The following FBH1 variants were observed in gnomAD, a reference collection of about 807,000 sequenced individuals.
The protein encoded by FBH1 is F-box DNA helicase 1, also known as DNA 3'-5' helicase 1.
FBH1 carries 43 observed loss-of-function variants against 115.5 expected under a neutral mutation model. The ratio of observed to expected loss-of-function variants is 0.37; its 90% CI spans 0.29 to 0.48. FBH1 has a LOEUF of 0.48. Ranked by LOEUF, FBH1 falls within the 20% of genes least tolerant of loss-of-function variation. The pLI is 0.99. For synonymous variants in FBH1, 524 were observed against 507.8 expected, an observed-to-expected ratio of 1.03 and a Z score of -0.43; for missense variants, 1,001 against 1,337.3, an observed-to-expected ratio of 0.75 and a Z score of 3.92.
rs1831427154 is a variant in FBH1 at position 5,909,530 on chromosome 10, T to C, written c.1020+236T>C. 1 of 466,572 alleles carries C rather than the reference T, an allele frequency of 2.1e-6. No individual in the cohort carries two copies. The highest frequency in any genetic ancestry group is 3.9e-5 in the Admixed American group (1 of 25,948). The allele number at this position is 466,572 out of a possible 1,614,324, so 28.9% of individuals were successfully genotyped here. A position where few individuals can be genotyped will look rare whatever the true frequency, so the allele number is the denominator to read the frequency against. On this transcript the variant is annotated intron_variant, in intron 5 of 20. Coordinates refer to ENST00000362091, the MANE Select transcript of FBH1 (RefSeq NM_178150.3). The surrounding 1 kb of genome is among the most constrained non-coding windows in gnomAD (Gnocchi z 4.4). ...ACAAATCATTTAGTCTGATTTCCCA[T>C]TTGGTTGAGGAATCTTCTCTGAAAT...
intron 1 of FBH1, among the ~76,000 whole-genome samples, chr10:5,893,334 A>G (rs1842842014): frequency 6.6e-6 from 1 of 152,152 alleles, no homozygotes; most frequent in Non-Finnish European, 1.5e-5. Flanking sequence ...ACAAACAAAC[A>G]AAATTGGATG....
chr10:5,903,581 G>C (rs1050710154), intron 2 of FBH1, among the ~76,000 whole-genome samples: 1 of 151,770 alleles, frequency 6.6e-6, no homozygotes, highest in Non-Finnish European at 1.5e-5. Flanking sequence ...CACCCGCCTC[G>C]GCCTCCCAAA....
Position 5,910,992 on chromosome 10 carries a change from A to T in FBH1, c.1075A>T (p.Asn359Tyr), listed in dbSNP as rs923312293. Residue 359 changes from asparagine (N) to tyrosine (Y), a missense_variant, in exon 6 of 21, where the codon AAT (asparagine) becomes TAT (tyrosine). Asn to Tyr is a moderately radical substitution (Grantham distance 143, BLOSUM62 -2). This residue lies in a region of FBH1 where 59 missense variants were observed against 79.7 expected (regional missense o/e 0.74). Transcript: ENST00000362091. The surrounding 1 kb of genome is among the most constrained non-coding windows in gnomAD (Gnocchi z 4.8). ...AAVVLLSSSV[N>Y]DIQRLLFCLR... ...TGTGGTGCTCCTCTCCAGCAGTGTG[A>T]ATGACATCCAGCGACTGCTCTTCTG... 6.2e-7 allele frequency: 1 copy of T among 1,612,400 alleles called. No individual in the cohort carries two copies.
chr10:5,921,162 T>G lies in FBH1; in HGVS notation c.2101-96T>G. The G allele has an allele frequency of 1.7e-6, 2 of 1,172,148 alleles. No individual in the cohort carries two copies. Among genetic ancestry groups the G allele is most frequent in the East Asian group, 4.8e-5 (2 of 41,766 alleles). The allele number at this position is 1,172,148 out of a possible 1,614,324, so 72.6% of individuals were successfully genotyped here. On this transcript the variant is annotated intron_variant, in intron 13 of 20. Transcript: ENST00000362091. This position sits in a 1 kb window ranked among gnomAD's most constrained non-coding sequence, Gnocchi z 6.4. ...CATGCGGGGGGTCAGGAACAACTTG[T>G]AGGGTCTGGCCCGGCCAGGCTGTGG...
intron 10 of FBH1, among the ~76,000 whole-genome samples, chr10:5,916,737 A>C (rs1022677727): frequency 2.6e-5 from 4 of 151,986 alleles, no homozygotes; most frequent in African/African-American, 9.7e-5. Flanking sequence ...ATGGGCAAAC[A>C]GGGAGTGTGG....
Position 5,933,475 on chromosome 10 carries a change from A to G in FBH1, c.2830-2981A>G, listed in dbSNP as rs142826831. The stretch of plus-strand genomic sequence containing the variant: ...TTGCTGCATGCATTTTGTTTTCCCC[A>G]TAGAAGAAAAGAATACAGAATCTAG... On this transcript the variant is annotated intron_variant, in intron 19 of 20. Transcript: ENST00000362091. This position sits in a 1 kb window ranked among gnomAD's most constrained non-coding sequence, Gnocchi z 4.9. Among the ~76,000 whole-genome samples, 779 of 152,332 alleles carry G rather than the reference A, an allele frequency of 5.1e-3. 7 individuals carry two copies. Among genetic ancestry groups the G allele is most frequent in the African/African-American group, 0.018 (734 of 41,574 alleles).
chr10:5,895,424 A>G lies in FBH1; in HGVS notation c.1+5078A>G, dbSNP rs577317494. On this transcript the variant is annotated intron_variant, in intron 1 of 20. Coordinates refer to ENST00000362091, the MANE Select transcript of FBH1 (RefSeq NM_178150.3). The surrounding 1 kb of genome is among the most constrained non-coding windows in gnomAD (Gnocchi z 5.0). ...CTTATTGTCTTCATCTTGTCCATTTAGGTCTGTAACCTAAAAGTTTTAAAG... is the reference window on the plus strand; with the variant it reads ...CTTATTGTCTTCATCTTGTCCATTTGGGTCTGTAACCTAAAAGTTTTAAAG... Among the ~76,000 whole-genome samples, 1 of 152,002 alleles carries G rather than the reference A, an allele frequency of 6.6e-6. No homozygotes were observed. Among genetic ancestry groups the G allele is most frequent in the African/African-American group, 2.4e-5 (1 of 41,352 alleles).
intron 1 of FBH1, among the ~76,000 whole-genome samples, chr10:5,893,451 TC>T (rs1842845777): frequency 6.6e-6 from 1 of 152,236 alleles, no homozygotes; most frequent in African/African-American, 2.4e-5. Context: ...AAATTCCTTT[TC>T]CAGCCTTATC....
rs1240395351 is a variant in FBH1 at position 5,910,729 on chromosome 10, T to G, written c.1021-209T>G. On this transcript the variant is annotated intron_variant, in intron 5 of 20. Transcript: ENST00000362091. This position sits in a 1 kb window ranked among gnomAD's most constrained non-coding sequence, Gnocchi z 4.8. Reference sequence around the variant, plus strand: ...TATTTAATTAAAGAAAACTAAGATCTCAAATCCAAAAGTGATGAGAAGGAG... The same window carrying G: ...TATTTAATTAAAGAAAACTAAGATCGCAAATCCAAAAGTGATGAGAAGGAG... Among the ~76,000 whole-genome samples, 1 of 152,218 alleles carries G rather than the reference T, an allele frequency of 6.6e-6. No individual in the cohort carries two copies. The highest frequency in any genetic ancestry group is 1.5e-5 in the Non-Finnish European group (1 of 68,038).
In FBH1 at chr10:5,918,500, G is replaced by C; in HGVS notation, c.2100+22G>C. The stretch of plus-strand genomic sequence containing the variant: ...GCAGGTAAGTGCGCACTCTGCATGG[G>C]AGGCATTGCATCTCTCTCCCAATGT... On this transcript the variant is annotated intron_variant, in intron 13 of 20. Transcript: ENST00000362091. The surrounding 1 kb of genome is among the most constrained non-coding windows in gnomAD (Gnocchi z 4.0). The C allele has an allele frequency of 6.5e-7, 1 of 1,544,332 alleles. No individual in the cohort carries two copies. Among genetic ancestry groups the C allele is most frequent in the South Asian group, 1.2e-5 (1 of 80,654 alleles).
chr10:5,907,247 G>A (rs1843751290), intron 3 of FBH1, among the ~76,000 whole-genome samples: 2 of 152,300 alleles, frequency 1.3e-5, no homozygotes, highest in African/African-American at 4.8e-5. Flanking sequence ...TTACAGGCGT[G>A]AGCCACCATG....
intron 2 of FBH1, among the ~76,000 whole-genome samples, chr10:5,904,351 G>A (rs1242930080): frequency 6.6e-6 from 1 of 152,092 alleles, no homozygotes; most frequent in Non-Finnish European, 1.5e-5. Context: ...TTTAACTATT[G>A]TATGTTTCCT....
chr10:5,899,921 A>T (rs1474499696), intron 1 of FBH1, among the ~76,000 whole-genome samples: 1 of 152,242 alleles, frequency 6.6e-6, no homozygotes, highest in East Asian at 1.9e-4. Context: ...CTTCACATTC[A>T]TATTTTGTTT....
At position 5,923,770 on chromosome 10, in the gene FBH1, G is replaced by T. The variant is rs936722236; in HGVS notation, c.2398+74G>T. 3.6e-6 allele frequency: 5 copies of T among 1,383,416 alleles called. No homozygotes were observed. In the Admixed American group the frequency reaches 7.3e-5, roughly 20 times the overall value. 85.7% of individuals were successfully genotyped at this position (1,383,416 alleles called of 1,614,324 possible). A position where few individuals can be genotyped will look rare whatever the true frequency, so the allele number is the denominator to read the frequency against. On this transcript the variant is annotated intron_variant, in intron 16 of 20. Coordinates refer to ENST00000362091, the MANE Select transcript of FBH1 (RefSeq NM_178150.3). The surrounding 1 kb of genome is among the most constrained non-coding windows in gnomAD (Gnocchi z 5.7). ...CAGGGACGAGAAAGAAGCAGGCCCA[G>T]TCTGAGTCAGGGACCCGTTTCCCTC...
chr10:5,917,578 T>C lies in FBH1; in HGVS notation c.1877-12T>C. On this transcript the variant is annotated splice_polypyrimidine_tract_variant and intron_variant, in intron 11 of 20. Coordinates refer to ENST00000362091, the MANE Select transcript of FBH1 (RefSeq NM_178150.3). The surrounding 1 kb of genome is among the most constrained non-coding windows in gnomAD (Gnocchi z 5.6). ...CCTGGCGTTACAACTCCTGCGTCTC[T>C]CCTTATTTTAGGCTACTTGAAACTC... The C allele has an allele frequency of 6.2e-7, 1 of 1,614,082 alleles. No individual in the cohort carries two copies. The highest frequency in any genetic ancestry group is 8.5e-7 in the Non-Finnish European group (1 of 1,179,964).
At position 5,900,325 on chromosome 10, in the gene FBH1, A is replaced by G. The variant is rs1449895942; in HGVS notation, c.2-2695A>G. Among the ~76,000 whole-genome samples, 1 of 152,212 alleles carries G rather than the reference A, an allele frequency of 6.6e-6. No individual in the cohort carries two copies. Among genetic ancestry groups the G allele is most frequent in the Non-Finnish European group, 1.5e-5 (1 of 68,044 alleles). ...TGATGACACTTATCAGACTTAGATGAGATTGGGCGCGTTCAGGGTGGTATG... is the reference window on the plus strand; with the variant it reads ...TGATGACACTTATCAGACTTAGATGGGATTGGGCGCGTTCAGGGTGGTATG... On this transcript the variant is annotated intron_variant, in intron 1 of 20. Coordinates refer to ENST00000362091, the MANE Select transcript of FBH1 (RefSeq NM_178150.3). This position sits in a 1 kb window ranked among gnomAD's most constrained non-coding sequence, Gnocchi z 4.2.
Position 5,924,556 on chromosome 10 carries a change from A to G in FBH1, c.2596+48A>G. On this transcript the variant is annotated intron_variant, in intron 17 of 20. Transcript: ENST00000362091. The surrounding 1 kb of genome is among the most constrained non-coding windows in gnomAD (Gnocchi z 6.2). ...ACCTTCCCCCTAAGAGGAGGAACAG[A>G]TGGTCTTCTGCTGTTCTTTTTTTTT... 1.3e-6 allele frequency: 2 copies of G among 1,534,540 alleles called. No individual in the cohort carries two copies. Among genetic ancestry groups the G allele is most frequent in the Non-Finnish European group, 1.8e-6 (2 of 1,112,978 alleles).
At position 5,925,373 on chromosome 10, in the gene FBH1, T is replaced by C; in HGVS notation, c.2603T>C (p.Ile868Thr). The C allele has an allele frequency of 6.2e-7, 1 of 1,614,092 alleles. No individual in the cohort carries two copies. Among genetic ancestry groups the C allele is most frequent in the Non-Finnish European group, 8.5e-7 (1 of 1,179,998 alleles). ...HIEDLDFAEY[I>T]LGTVHKAKGL... ...TGCTGTGTTTTTATCCTAGAGTACATTCTGGGCACTGTGCACAAAGCCAAA... is the reference window on the plus strand; with the variant it reads ...TGCTGTGTTTTTATCCTAGAGTACACTCTGGGCACTGTGCACAAAGCCAAA... The change falls in exon 18 of 21, where the codon ATT becomes ACT. Residue 868 changes from isoleucine (I) to threonine (T), a missense_variant. By Grantham distance (89) the Ile-to-Thr change is moderately conservative (BLOSUM62 -1). Transcript: ENST00000362091. The surrounding 1 kb of genome is among the most constrained non-coding windows in gnomAD (Gnocchi z 4.6).
chr10:5,906,120 G>T lies in FBH1; in HGVS notation c.241G>T (p.Val81Phe), dbSNP rs1393535890. The T allele has an allele frequency of 6.2e-7, 1 of 1,614,028 alleles. No homozygotes were observed. Among genetic ancestry groups the T allele is most frequent in the African/African-American group, 1.3e-5 (1 of 74,916 alleles). The change falls in exon 3 of 21, where the codon GTT becomes TTT. Residue 81 changes from valine (V) to phenylalanine (F), a missense_variant. Physicochemically the swap from Val to Phe is conservative, Grantham distance 50 (BLOSUM62 -1). Transcript: ENST00000362091. The surrounding 1 kb of genome is among the most constrained non-coding windows in gnomAD (Gnocchi z 7.3). ...CTNDMAKSNS[V>F]GQDSCQDSEG... ...CAATGACATGGCCAAAAGCAATTCT[G>T]TTGGCCAGGACAGCTGTCAGGACTC...
Sources: gnomAD v4.1 joint callset for allele counts (sites outside exome capture counted in the v4.1 genomes callset) on GRCh38, gnomAD v4.1.1 for gene constraint, gnomAD v4.1.1 regional missense constraint, Gnocchi (gnomAD v3.1) non-coding constraint, MANE v1.5 for transcripts, NCBI Gene and HGNC (gene_info 2026-07-23, HGNC 2026-07-21) for gene names.